The following ADIPOR1 variants were observed in gnomAD, a reference collection of about 807,000 sequenced individuals.
ADIPOR1 encodes the protein adiponectin receptor 1, also known as adiponectin receptor protein 1.
ADIPOR1 carries 15 observed loss-of-function variants against 37.5 expected under a neutral mutation model. The ratio of observed to expected loss-of-function variants is 0.40; its 90% CI spans 0.27 to 0.62. The LOEUF (loss-of-function observed/expected upper bound fraction) is 0.62, where lower values mean the gene tolerates loss of function less well. ADIPOR1 is among the 20% of genes least tolerant of loss of function. The pLI, the probability that ADIPOR1 is intolerant of heterozygous loss-of-function variation, is 0.42. For missense variants in ADIPOR1, 286 were observed against 478.0 expected (o/e 0.60, Z 3.75); for synonymous variants, 173 against 173.2 (o/e 1.00, Z 0.01).
intron 5 of ADIPOR1, 95 bp downstream of exon 5, chr1:202,944,888 A>C (rs1336923539): frequency 9.0e-6 from 11 of 1,224,662 alleles, no homozygotes; most frequent in African/African-American, 1.5e-5. Context: ...AGAAACCTTT[A>C]GGAGTGATAT....
intron 7 of ADIPOR1, 146 bp from the exon 8 acceptor site, chr1:202,941,847 A>C: frequency 7.8e-7 from 1 of 1,285,144 alleles, no homozygotes; most frequent in Non-Finnish European, 1.1e-6. Context: ...AAAGTTTTAA[A>C]AACACAGTCC....
chr1:202,956,425 G>A (rs568106697), intron 1 of ADIPOR1, among the ~76,000 whole-genome samples: 4 of 152,284 alleles, frequency 2.6e-5, no homozygotes, highest in South Asian at 2.1e-4. Context: ...TGAGAATACC[G>A]ATTGATTACT....
chr1:202,950,868 A>G (rs540163158), intron 2 of ADIPOR1, 62 bp downstream of exon 2: 2 of 1,597,208 alleles, frequency 1.3e-6, no homozygotes, highest in South Asian at 1.1e-5. Flanking sequence ...AAAAAAGAGA[A>G]AATGACAGAG....
chr1:202,948,350 A>T lies in ADIPOR1; in HGVS notation c.212T>A (p.Leu71Gln). Residue 71 changes from leucine to glutamine, a missense_variant, in exon 3 of 8, where the codon CTG (leucine) becomes CAG (glutamine). Coordinates refer to ENST00000340990, the MANE Select transcript of ADIPOR1 (RefSeq NM_015999.6). ...EEEVRVLTLP[L>Q]QAHHAMEKME... is the part of the protein sequence containing the mutation. ...CTTCTCCATGGCGTGGTGGGCTTGC[A>T]GGGGAAGTGTCAGTACCCGCACCTC... 6.2e-7 allele frequency: 1 copy of T among 1,613,860 alleles called. No individual in the cohort carries two copies. The highest frequency in any genetic ancestry group is 1.7e-5 in the Admixed American group (1 of 60,004).
intron 1 of ADIPOR1, among the ~76,000 whole-genome samples, chr1:202,952,904 C>T (rs928843016): frequency 6.6e-6 from 1 of 152,220 alleles, no homozygotes; most frequent in Non-Finnish European, 1.5e-5. Context: ...ATGCTCAACC[C>T]ACAAGCACAG....
At position 202,942,175 on chromosome 1, in the gene ADIPOR1, C is replaced by T; in HGVS notation, c.849G>A (p.Met283Ile). The T allele has an allele frequency of 6.2e-7, 1 of 1,614,164 alleles. No homozygotes were observed. Among genetic ancestry groups the T allele is most frequent in the Non-Finnish European group, 8.5e-7 (1 of 1,180,022 alleles). ...GLGLSGVVPTMHFTIAEGFVK... is the reference protein window; with the variant it reads ...GLGLSGVVPTIHFTIAEGFVK... ...CAAAGCCCTCAGCGATAGTAAAGTG[C>T]ATGGTGGGCACGACGCCACTCAAGC... The change falls in exon 7 of 8, where the codon ATG becomes ATA. Residue 283 changes from methionine to isoleucine, a missense_variant. Coordinates refer to ENST00000340990, the MANE Select transcript of ADIPOR1 (RefSeq NM_015999.6).
At chr1:202,942,873 T>TTTC (rs1214798382) in intron 6 of ADIPOR1, among the ~76,000 whole-genome samples, 1 of 145,844 alleles carries the variant, frequency 6.9e-6, no homozygotes, top group African/African-American at 2.5e-5. Context: ...CTTTCTTTCT[T>TTTC]TTTTTTTTTT....
intron 1 of ADIPOR1, among the ~76,000 whole-genome samples, chr1:202,954,012 T>C (rs1026233186): frequency 6.6e-5 from 10 of 152,240 alleles, no homozygotes; most frequent in African/African-American, 2.2e-4. Context: ...AAAGTTTTTA[T>C]GCCCTCAAGT....
intron 1 of ADIPOR1, among the ~76,000 whole-genome samples, chr1:202,955,298 T>G (rs1654737573): frequency 6.6e-6 from 1 of 151,802 alleles, no homozygotes; most frequent in South Asian, 2.1e-4. Flanking sequence ...CTCAGCTCAC[T>G]GTAGCCTCAA....
At chr1:202,947,158 T>G (rs1334457021) in intron 3 of ADIPOR1, among the ~76,000 whole-genome samples, 1 of 152,070 alleles carries the variant, frequency 6.6e-6, no homozygotes, top group East Asian at 1.9e-4. Flanking sequence ...AAAAAATCTC[T>G]TTGTCTTTGT....
At chr1:202,956,827 T>C (rs1036904469) in intron 1 of ADIPOR1, among the ~76,000 whole-genome samples, 5 of 152,222 alleles carry the variant, frequency 3.3e-5, no homozygotes, top group African/African-American at 1.2e-4. Context: ...GTGTACTTTA[T>C]AAATCAGCAA....
Position 202,948,436 on chromosome 1 carries a change from C to A in ADIPOR1, c.142-16G>T. ...CTTCTTCAGCCTATGGGGGAAAAAA[C>A]CCACAACAATCCAGGGAGTCATCTC... On this transcript the variant is annotated splice_polypyrimidine_tract_variant and intron_variant, in intron 2 of 7. Coordinates refer to ENST00000340990, the MANE Select transcript of ADIPOR1 (RefSeq NM_015999.6). The A allele has an allele frequency of 2.5e-6, 4 of 1,605,304 alleles. No individual in the cohort carries two copies. Among genetic ancestry groups the A allele is most frequent in the Non-Finnish European group, 3.4e-6 (4 of 1,172,178 alleles).
chr1:202,955,722 G>A (rs1654757696), intron 1 of ADIPOR1, among the ~76,000 whole-genome samples: 1 of 152,112 alleles, frequency 6.6e-6, no homozygotes, highest in East Asian at 1.9e-4. Flanking sequence ...TCCTGCATCA[G>A]CCTCCCAAAG....
In ADIPOR1 at chr1:202,946,448, G is replaced by T; in HGVS notation, c.421C>A (p.His141Asn). 6.2e-7 allele frequency: 1 copy of T among 1,613,996 alleles called. No individual in the cohort carries two copies. Residue 141 changes from histidine (H) to asparagine (N), a missense_variant, in exon 4 of 8, where the codon CAT (histidine) becomes AAT (asparagine). By Grantham distance (68) the His-to-Asn change is moderately conservative. Coordinates refer to ENST00000340990, the MANE Select transcript of ADIPOR1 (RefSeq NM_015999.6). ...IHTETGNIWT[H>N]LLGFVLFLFL... ...CATCCAAATCACTCACCAAGCAGAT[G>T]GGTCCAGATGTTGCCAGTTTCTGTA...
Position 202,941,519 on chromosome 1 carries a change from G to A in ADIPOR1, c.*54C>T, listed in dbSNP as rs1222992202. ...CTCTTCCTCTCACTTCAGCAAAGAA[G>A]TTATTTTTAAAAGCACTTGGGAAGT... On this transcript the variant is annotated 3_prime_UTR_variant, in exon 8 of 8. Transcript: ENST00000340990. The A allele has an allele frequency of 1.1e-5, 18 of 1,567,042 alleles. No individual in the cohort carries two copies. The highest frequency in any genetic ancestry group is 2.0e-5 in the Admixed American group (1 of 49,070).
rs1372166240 is a variant in ADIPOR1, at chr1:202,951,081, C to G, written c.-11G>C. 2 of 1,613,894 alleles carry G rather than the reference C, an allele frequency of 1.2e-6. No individual in the cohort carries two copies. The highest frequency in any genetic ancestry group is 1.1e-5 in the South Asian group (1 of 91,072). ...TTTGTGGGAAGACATCTGGCTGGTA[C>G]CTCAATACCCTGCAGCTTCAGCTTG... On this transcript the variant is annotated 5_prime_UTR_variant, in exon 2 of 8. Transcript: ENST00000340990.
At chr1:202,958,103 T>G (rs2102498586) in intron 1 of ADIPOR1, 82 bp downstream of exon 1, 1 of 152,212 alleles carries the variant, frequency 6.6e-6, no homozygotes, top group South Asian at 2.1e-4. Flanking sequence ...AGCTGTCTCC[T>G]CCGCAGGCCT....
chr1:202,956,008 T>A (rs1654769678), intron 1 of ADIPOR1, among the ~76,000 whole-genome samples: 1 of 152,196 alleles, frequency 6.6e-6, no homozygotes, highest in Admixed American at 6.5e-5. Context: ...ACTCCTGACC[T>A]CAGGTGATCC....
rs1413634135 is a variant in ADIPOR1 at position 202,944,852 on chromosome 1, CAG to C, written c.617+129_617+130del. ...TCATCACCCCACTATCGCCACAGAACAGAGAGCCTTTCCTCTGGCATATCAAG... is the reference window on the plus strand; with the variant it reads ...TCATCACCCCACTATCGCCACAGAACAGAGCCTTTCCTCTGGCATATCAAG... On this transcript the variant is annotated intron_variant, in intron 5 of 7. Transcript: ENST00000340990. The C allele has an allele frequency of 3.4e-6, 3 of 876,188 alleles. No individual in the cohort carries two copies. The East Asian group carries it at 7.4e-5, about 22-fold the overall frequency. The allele number at this position is 876,188 out of a possible 1,614,324, so 54.3% of individuals were successfully genotyped here.
Sources: allele counts gnomAD v4.1 joint callset (sites outside exome capture counted in the v4.1 genomes callset), GRCh38; gene constraint gnomAD v4.1.1; transcripts MANE v1.5; gene names NCBI Gene and HGNC (gene_info 2026-07-23, HGNC 2026-07-21).